The following GAS7 variants were observed in gnomAD, a reference collection of about 807,000 sequenced individuals.
The protein encoded by GAS7 is growth arrest specific 7.
A neutral mutation model predicts 71.1 loss-of-function variants in GAS7; 28 were observed. The ratio of observed to expected loss-of-function variants is 0.39; its 90% CI spans 0.29 to 0.54. The LOEUF is 0.54. Ranked by LOEUF, GAS7 falls within the 20% of genes least tolerant of loss-of-function variation. The pLI, the probability that GAS7 is intolerant of heterozygous loss-of-function variation, is 0.62. For synonymous variants in GAS7, 258 were observed against 245.8 expected, an observed-to-expected ratio of 1.05 and a Z score of -0.46; for missense variants, 436 against 627.8, an observed-to-expected ratio of 0.69 and a Z score of 3.27.
chr17:9,973,559 TA>T (rs1375858944), intron 3 of GAS7, among the ~76,000 whole-genome samples: 1 of 152,180 alleles, frequency 6.6e-6, no homozygotes, highest in Non-Finnish European at 1.5e-5. Flanking sequence ...GTACTTATAG[TA>T]GAAACTTTTT....
chr17:10,118,172 G>A (rs559765297), intron 1 of GAS7, among the ~76,000 whole-genome samples: 10 of 147,254 alleles, frequency 6.8e-5, no homozygotes, highest in African/African-American at 2.5e-4. Flanking sequence ...GTCACTCGTT[G>A]CAAGACAAGA....
chr17:10,135,111 G>GT (rs960205592), intron 1 of GAS7, among the ~76,000 whole-genome samples: 43 of 152,186 alleles, frequency 2.8e-4, no homozygotes, highest in African/African-American at 1.0e-3. Context: ...GATTACAGGT[G>GT]TGAGCCAACG....
intron 1 of GAS7, among the ~76,000 whole-genome samples, chr17:10,126,365 T>TGCACACTCAC (rs2073947123): frequency 7.2e-6 from 1 of 138,660 alleles, no homozygotes; most frequent in Non-Finnish European, 1.6e-5. Context: ...CACACACTCT[T>TGCACACTCAC]GCACACACAC....
chr17:9,926,595 C>T lies in GAS7; in HGVS notation c.1014+46G>A, dbSNP rs770795926. 4 of 1,601,142 alleles carry T rather than the reference C, an allele frequency of 2.5e-6. No homozygotes were observed. The highest frequency in any genetic ancestry group is 2.2e-5 in the South Asian group (2 of 90,912). On this transcript the variant is annotated intron_variant, in intron 10 of 13. Coordinates refer to ENST00000432992, the MANE Select transcript of GAS7 (RefSeq NM_201433.2). This position sits in a 1 kb window ranked among gnomAD's most constrained non-coding sequence, Gnocchi z 5.0. ...GCTTCCCAGTCCCCCTTCTTCCAGG[C>T]AGTCCCCCATGCACCTGCCCTGGCC... is the stretch of plus-strand genomic sequence containing the variant.
intron 1 of GAS7, among the ~76,000 whole-genome samples, chr17:10,113,865 A>G (rs1386845486): frequency 1.3e-5 from 2 of 152,196 alleles, no homozygotes; most frequent in African/African-American, 4.8e-5. Context: ...TTTGATAAGT[A>G]TAAAATTAAC....
At chr17:10,003,417 G>A (rs934052763) in intron 2 of GAS7, among the ~76,000 whole-genome samples, 2 of 152,274 alleles carry the variant, frequency 1.3e-5, no homozygotes, top group African/African-American at 2.4e-5. Context: ...CTTTTGCTCC[G>A]ACCTTCCCAC....
chr17:10,008,815 G>C (rs184507249), intron 2 of GAS7, among the ~76,000 whole-genome samples: 183 of 151,822 alleles, frequency 1.2e-3, no homozygotes, highest in African/African-American at 4.2e-3. Context: ...GCACACGCAC[G>C]CAACCCTAAT....
chr17:10,112,542 C>A (rs1333840508), intron 1 of GAS7, among the ~76,000 whole-genome samples: 1 of 152,114 alleles, frequency 6.6e-6, no homozygotes, highest in Non-Finnish European at 1.5e-5. Flanking sequence ...TCGAGACCAG[C>A]CTGACCAACA....
intron 1 of GAS7, among the ~76,000 whole-genome samples, chr17:10,149,193 C>CT (rs1195325228): frequency 6.6e-6 from 1 of 152,132 alleles, no homozygotes; most frequent in Non-Finnish European, 1.5e-5. Flanking sequence ...ACCTTCATCT[C>CT]CTGGGTTTAA....
At chr17:10,108,642 C>T (rs1173737965) in intron 1 of GAS7, among the ~76,000 whole-genome samples, 4 of 152,050 alleles carry the variant, frequency 2.6e-5, no homozygotes, top group Non-Finnish European at 5.9e-5. Context: ...GGCACGTAGA[C>T]CAATGGAACA....
At chr17:9,941,608 G>A (rs954026111) in intron 7 of GAS7, among the ~76,000 whole-genome samples, 3 of 152,212 alleles carry the variant, frequency 2.0e-5, no homozygotes, top group African/African-American at 7.2e-5. Flanking sequence ...TTTTCTCTAG[G>A]AAGCCCGGAA....
Position 9,918,022 on chromosome 17 carries a change from T to TA in GAS7, c.1295_1296insT (p.Glu432AspfsTer89). ...TCACGCTTTGGTTGAACATGTCTGT[T>TA]TCATGCCGCAGCTGCGTGTACTGGC... On this transcript the variant is annotated frameshift_variant, in exon 13 of 14. Coordinates refer to ENST00000432992, the MANE Select transcript of GAS7 (RefSeq NM_201433.2). LOFTEE classifies it high-confidence loss of function. 1.9e-6 allele frequency: 3 copies of TA among 1,613,552 alleles called. No individual in the cohort carries two copies. The highest frequency in any genetic ancestry group is 2.5e-6 in the Non-Finnish European group (3 of 1,179,556).
In GAS7 at chr17:10,196,086, G is replaced by A. The variant is rs982523165; in HGVS notation, c.183+2122C>T. Among the ~76,000 whole-genome samples the A allele has an allele frequency of 5.3e-5, 8 of 152,108 alleles. No individual in the cohort carries two copies. The South Asian group carries it at 6.2e-4, about 12-fold the overall frequency. On this transcript the variant is annotated intron_variant, in intron 1 of 13. Transcript: ENST00000432992. ...GCCCTAGAGGTTCAGCCTCCCCTTC[G>A]CGGTGCTGTCACCAACATGCTGACC...
intron 1 of GAS7, among the ~76,000 whole-genome samples, chr17:10,063,283 C>T (rs548080995): frequency 1.6e-4 from 24 of 152,296 alleles, no homozygotes; most frequent in South Asian, 1.0e-3. Context: ...TGCGCGCGCA[C>T]GCGTTTGTGT....
At chr17:9,936,660 A>G (rs2068412334) in intron 8 of GAS7, among the ~76,000 whole-genome samples, 1 of 152,196 alleles carries the variant, frequency 6.6e-6, no homozygotes, top group African/African-American at 2.4e-5. Context: ...AAAGCTACTT[A>G]CAAATTCTCT....
chr17:10,056,705 A>G (rs1012595021), intron 1 of GAS7, among the ~76,000 whole-genome samples: 5 of 151,996 alleles, frequency 3.3e-5, no homozygotes, highest in African/African-American at 9.7e-5. Context: ...CCCCGTCTCT[A>G]CTAAAAATAC....
Position 9,981,930 on chromosome 17 carries a change from G to A in GAS7, c.305-46C>T. ...AAAATCACTTTGAGAATGTCACAGG[G>A]CAGAACCTGAGTTTCACAGAGCAGA... On this transcript the variant is annotated intron_variant, in intron 2 of 13. Coordinates refer to ENST00000432992, the MANE Select transcript of GAS7 (RefSeq NM_201433.2). This position sits in a 1 kb window ranked among gnomAD's most constrained non-coding sequence, Gnocchi z 4.4. The A allele has an allele frequency of 9.5e-7, 1 of 1,048,348 alleles. No individual in the cohort carries two copies. The highest frequency in any genetic ancestry group is 1.5e-6 in the Non-Finnish European group (1 of 664,336). The allele number at this position is 1,048,348 out of a possible 1,614,324, so 64.9% of individuals were successfully genotyped here.
intron 2 of GAS7, among the ~76,000 whole-genome samples, chr17:9,997,259 C>G (rs111523935): frequency 0.14 from 10,285 of 74,716 alleles, 732 homozygotes; most frequent in African/African-American, 0.31. Flanking sequence ...GGGGCGGGGG[C>G]GGTGGAAACA....
At chr17:10,064,004 T>G (rs2073250702) in intron 1 of GAS7, among the ~76,000 whole-genome samples, 1 of 152,136 alleles carries the variant, frequency 6.6e-6, no homozygotes, top group African/African-American at 2.4e-5. Flanking sequence ...CCACTTCCCT[T>G]TTCCATTTCC....
Sources: allele counts gnomAD v4.1 joint callset (sites outside exome capture counted in the v4.1 genomes callset), GRCh38; gene constraint gnomAD v4.1.1; non-coding constraint Gnocchi (gnomAD v3.1); transcripts MANE v1.5; gene names NCBI Gene and HGNC (gene_info 2026-07-23, HGNC 2026-07-21).